SDCBP2: variants seen among roughly 807,000 people sequenced by gnomAD.
SDCBP2 encodes syntenin-2.
Under a neutral mutation model 30.7 loss-of-function variants are expected in SDCBP2, and 28 were observed. That is an observed-to-expected ratio of 0.91 (90% CI 0.68 to 1.25). The LOEUF (loss-of-function observed/expected upper bound fraction) is 1.25. SDCBP2 is among the 50% of genes most tolerant of loss of function. The probability of loss-of-function intolerance (pLI) is 0.00; values close to 1 mark genes in which losing one functional copy is unlikely to be tolerated. For missense variants in SDCBP2, 399 were observed against 379.0 expected (o/e 1.05, Z -0.44); for synonymous variants, 166 against 157.3 (o/e 1.06, Z -0.41).
At chr20:1,328,057 C>T (rs2122555830) in intron 1 of SDCBP2, among the ~76,000 whole-genome samples, 1 of 152,180 alleles carries the variant, frequency 6.6e-6, no homozygotes, top group Admixed American at 6.5e-5. Context: ...GGTGGGGTGA[C>T]ATTTGAGGAA....
At chr20:1,318,634 CTTTG>C (rs2088812990) in intron 3 of SDCBP2, among the ~76,000 whole-genome samples, 2 of 152,206 alleles carry the variant, frequency 1.3e-5, no homozygotes, top group Admixed American at 6.5e-5. Context: ...TCATGCACCA[CTTTG>C]CTATTCAACT....
intron 1 of SDCBP2, chr20:1,322,629 T>A (rs531230960): frequency 1.3e-5 from 2 of 152,328 alleles, no homozygotes; most frequent in Non-Finnish European, 2.9e-5. Context: ...TGGAGTACAG[T>A]GGCGCGATCT....
chr20:1,322,477 C>T (rs972463913), intron 1 of SDCBP2: 2 of 152,202 alleles, frequency 1.3e-5, no homozygotes, highest in East Asian at 3.8e-4. Flanking sequence ...CCACTTTTCT[C>T]CTTGTAAAGT....
intron 7 of SDCBP2, among the ~76,000 whole-genome samples, chr20:1,311,784 A>G (rs1314167457): frequency 6.6e-6 from 1 of 152,202 alleles, no homozygotes; most frequent in Non-Finnish European, 1.5e-5. Flanking sequence ...ATGATCCACT[A>G]TACCAAAAAA....
chr20:1,319,802 C>T, intron 2 of SDCBP2, 143 bp from the exon 3 acceptor site: 1 of 637,954 alleles, frequency 1.6e-6, no homozygotes, highest in Non-Finnish European at 2.6e-6. Flanking sequence ...ACCCTCAGGG[C>T]TCAAGATCAC....
At chr20:1,327,538 G>T (rs1016663926) in intron 1 of SDCBP2, among the ~76,000 whole-genome samples, 23 of 152,218 alleles carry the variant, frequency 1.5e-4, no homozygotes, top group Admixed American at 1.3e-4. Flanking sequence ...TCCTCTCAGT[G>T]CTGCACTGCC....
In SDCBP2 at chr20:1,315,795, C is replaced by A. The variant is rs373941589; in HGVS notation, c.226-2297G>T. On this transcript the variant is annotated intron_variant, in intron 4 of 8. Coordinates refer to ENST00000360779, the MANE Select transcript of SDCBP2 (RefSeq NM_080489.5). ...AACTGGACCTCATCAAAATTCAGAA[C>A]TGTTAAGCTACAGACTGAGAGAAAA... 1.4e-4 allele frequency among the ~76,000 whole-genome samples: 21 copies of A among 152,248 alleles called. No homozygotes were observed. The East Asian group carries it at 1.7e-3, about 13-fold the overall frequency.
intron 4 of SDCBP2, chr20:1,317,814 C>A (rs1453082879): frequency 3.8e-5 from 10 of 261,608 alleles, no homozygotes; most frequent in East Asian, 1.0e-4. Context: ...CTAGAGCTAA[C>A]TGGCAAGGGG....
chr20:1,323,816 A>T (rs2088880670), intron 1 of SDCBP2: 1 of 151,858 alleles, frequency 6.6e-6, no homozygotes, highest in African/African-American at 2.4e-5. Flanking sequence ...TTTTATTTGA[A>T]TTTTTGTTGT....
In SDCBP2 at chr20:1,320,619, T is replaced by G; in HGVS notation, c.-19-184A>C. 1 of 501,272 alleles carries G rather than the reference T, an allele frequency of 2.0e-6. No homozygotes were observed. Among genetic ancestry groups the G allele is most frequent in the Admixed American group, 3.5e-5 (1 of 28,382 alleles). 31.1% of individuals were successfully genotyped at this position (501,272 alleles called of 1,614,324 possible). A position where few individuals can be genotyped will look rare whatever the true frequency, so the allele number is the denominator to read the frequency against. On this transcript the variant is annotated intron_variant, in intron 1 of 8. Transcript: ENST00000360779. This position sits in a 1 kb window ranked among gnomAD's most constrained non-coding sequence, Gnocchi z 4.7. ...CTGTCGATATTTGAACTCTACTGTA[T>G]TCCACTCATCTCCAGCCTCACTGTC...
At chr20:1,311,198 A>C in intron 7 of SDCBP2, 1 of 283,022 alleles carries the variant, frequency 3.5e-6, no homozygotes, top group Non-Finnish European at 6.7e-6. Flanking sequence ...GGGCCTCATC[A>C]ATGCGATTCT....
chr20:1,320,426 T>C lies in SDCBP2; in HGVS notation c.-10A>G, dbSNP rs2088836899. 6.2e-7 allele frequency: 1 copy of C among 1,613,400 alleles called. No individual in the cohort carries two copies. The highest frequency in any genetic ancestry group is 8.5e-7 in the Non-Finnish European group (1 of 1,179,604). ...GGTACAGGGATGACATGGCTGATTC[T>C]CAGAACACCCTGCAGAGTGCAGAGG... is the stretch of plus-strand genomic sequence containing the variant. On this transcript the variant is annotated 5_prime_UTR_variant, in exon 2 of 9. Coordinates refer to ENST00000360779, the MANE Select transcript of SDCBP2 (RefSeq NM_080489.5). This position sits in a 1 kb window ranked among gnomAD's most constrained non-coding sequence, Gnocchi z 4.7.
intron 1 of SDCBP2, among the ~76,000 whole-genome samples, chr20:1,327,944 A>G (rs1175243067): frequency 6.6e-6 from 1 of 152,226 alleles, no homozygotes; most frequent in Admixed American, 6.5e-5. Context: ...AGCTGGATAA[A>G]TAGGCTTTGT....
At chr20:1,325,133 C>G (rs2088900884) in intron 1 of SDCBP2, among the ~76,000 whole-genome samples, 1 of 152,202 alleles carries the variant, frequency 6.6e-6, no homozygotes, top group Non-Finnish European at 1.5e-5. Flanking sequence ...CACCGCGCCA[C>G]AGGAGCGAGG....
At position 1,313,441 on chromosome 20, in the gene SDCBP2, G is replaced by A. The variant is rs2088716345; in HGVS notation, c.283C>T (p.Leu95=). 1.2e-6 allele frequency: 2 copies of A among 1,602,046 alleles called. No individual in the cohort carries two copies. The highest frequency in any genetic ancestry group is 1.7e-6 in the Non-Finnish European group (2 of 1,176,084). Residue 95 remains leucine (L), a synonymous_variant, in exon 5 of 9, where the codon CTG becomes TTG. Transcript: ENST00000360779. This position sits in a 1 kb window ranked among gnomAD's most constrained non-coding sequence, Gnocchi z 5.2. ...QMVAPVTGYS[L]GVRRAEIKPG... is the part of the protein sequence containing the mutation. Reference sequence around the variant, plus strand: ...TTGATCTCAGCTCGCCGCACGCCCAGGCTGTACCCGGTTACCGGTGCCACC... The same window carrying A: ...TTGATCTCAGCTCGCCGCACGCCCAAGCTGTACCCGGTTACCGGTGCCACC...
chr20:1,317,830 G>T (rs2088799710), intron 4 of SDCBP2: 1 of 296,228 alleles, frequency 3.4e-6, no homozygotes, highest in South Asian at 3.1e-5. Flanking sequence ...AGGGGCTTAG[G>T]CGGGGACTGG....
chr20:1,320,691 T>A lies in SDCBP2; in HGVS notation c.-19-256A>T. ...TGAAGTAAGACCAGTAGGAAATTTA[T>A]AAAGACTCTCACACAAACTGTAGCA... On this transcript the variant is annotated intron_variant, in intron 1 of 8. Transcript: ENST00000360779. This position sits in a 1 kb window ranked among gnomAD's most constrained non-coding sequence, Gnocchi z 4.7. 3.0e-6 allele frequency: 1 copy of A among 336,008 alleles called. No homozygotes were observed. Among genetic ancestry groups the A allele is most frequent in the East Asian group, 5.2e-5 (1 of 19,262 alleles). 20.8% of individuals were successfully genotyped at this position (336,008 alleles called of 1,614,324 possible).
intron 1 of SDCBP2, among the ~76,000 whole-genome samples, chr20:1,328,115 G>T (rs1416561426): frequency 6.6e-6 from 1 of 152,208 alleles, no homozygotes; most frequent in East Asian, 1.9e-4. Context: ...TCAGGTGGGA[G>T]TTGGTGTTGT....
chr20:1,314,118 T>A (rs2088732080), intron 4 of SDCBP2, among the ~76,000 whole-genome samples: 1 of 152,218 alleles, frequency 6.6e-6, no homozygotes, highest in African/African-American at 2.4e-5. Context: ...AGCAAGGTCC[T>A]GGGATACAAA....
Sources: allele counts gnomAD v4.1 joint callset (sites outside exome capture counted in the v4.1 genomes callset), GRCh38; gene constraint gnomAD v4.1.1; non-coding constraint Gnocchi (gnomAD v3.1); transcripts MANE v1.5; gene names NCBI Gene and HGNC (gene_info 2026-07-23, HGNC 2026-07-21).